Variants in CPA4 observed in about 807,000 individuals in gnomAD.
CPA4 encodes carboxypeptidase A3.
In CPA4, 49 loss-of-function variants were observed where a neutral mutation model predicts 54.7. The observed-to-expected ratio is 0.90, with a 90% confidence interval of 0.71 to 1.14. The LOEUF (loss-of-function observed/expected upper bound fraction) is 1.14. CPA4 is among the 50% of genes most tolerant of loss of function. CPA4 has a pLI of 0.00. For missense variants in CPA4, 487 were observed against 525.1 expected, an observed-to-expected ratio of 0.93 and a Z score of 0.71; for synonymous variants, 215 against 206.8, an observed-to-expected ratio of 1.04 and a Z score of -0.34.
intron 4 of CPA4, among the ~76,000 whole-genome samples, chr7:130,302,415 G>T (rs1793752572): frequency 6.6e-6 from 1 of 151,892 alleles, no homozygotes; most frequent in South Asian, 2.1e-4. Context: ...CTTGAAACCG[G>T]GAGGCGGAGG....
chr7:130,322,696 T>C lies in CPA4; in HGVS notation c.*20T>C. 1 of 1,603,650 alleles carries C rather than the reference T, an allele frequency of 6.2e-7. No individual in the cohort carries two copies. The highest frequency in any genetic ancestry group is 8.5e-7 in the Non-Finnish European group (1 of 1,174,778). On this transcript the variant is annotated 3_prime_UTR_variant, in exon 11 of 11. Coordinates refer to ENST00000222482, the MANE Select transcript of CPA4 (RefSeq NM_016352.4). ...TACTAGGCGATGGCTCTGCTCTGTC[T>C]ACATTTATTTGTACCCACACGTGCA...
At chr7:130,309,869 A>G (rs10253788) in intron 8 of CPA4, among the ~76,000 whole-genome samples, 10,508 of 152,128 alleles carry the variant, frequency 0.069, 792 homozygotes, top group African/African-American at 0.19. Flanking sequence ...GGATTTAAGC[A>G]ATCCTCCCAC....
At chr7:130,306,931 T>C (rs746557329) in intron 7 of CPA4, 34 bp downstream of exon 7, 1 of 1,158,450 alleles carries the variant, frequency 8.6e-7, no homozygotes, top group Non-Finnish European at 1.3e-6. Context: ...GCTTGCAGAC[T>C]GTTGAATTCC....
chr7:130,312,337 A>G (rs1197297873), intron 10 of CPA4, among the ~76,000 whole-genome samples: 1 of 152,116 alleles, frequency 6.6e-6, no homozygotes. Flanking sequence ...CCATCCCTTC[A>G]TTTTCAAGGG....
In CPA4 at chr7:130,322,668, C is replaced by A; in HGVS notation, c.1258C>A (p.Leu420Ile). The change falls in exon 11 of 11, where the codon CTC (leucine) becomes ATC (isoleucine). Residue 420 changes from leucine to isoleucine, a missense_variant. Physicochemically the swap from Leu to Ile is conservative, Grantham distance 5. Coordinates refer to ENST00000222482, the MANE Select transcript of CPA4 (RefSeq NM_016352.4). ...KTIMEHVRDN[L>I]Y The stretch of plus-strand genomic sequence containing the variant: ...CATCATGGAGCATGTGCGGGACAAC[C>A]TCTACTAGGCGATGGCTCTGCTCTG... 1 of 1,613,206 alleles carries A rather than the reference C, an allele frequency of 6.2e-7. No homozygotes were observed. The highest frequency in any genetic ancestry group is 8.5e-7 in the Non-Finnish European group (1 of 1,179,586).
intron 10 of CPA4, among the ~76,000 whole-genome samples, chr7:130,320,988 C>T (rs1319087158): frequency 6.6e-6 from 1 of 152,050 alleles, no homozygotes; most frequent in African/African-American, 2.4e-5. Flanking sequence ...CACTTGAGTC[C>T]AGGAGTTTGA....
intron 1 of CPA4, among the ~76,000 whole-genome samples, chr7:130,298,037 C>T (rs1793677021): frequency 6.6e-6 from 1 of 152,184 alleles, no homozygotes; most frequent in African/African-American, 2.4e-5. Flanking sequence ...CCCCTCTCAC[C>T]CCGTAGGGAG....
chr7:130,309,463 G>A (rs1282031546), intron 8 of CPA4, among the ~76,000 whole-genome samples: 1 of 151,818 alleles, frequency 6.6e-6, no homozygotes, highest in Non-Finnish European at 1.5e-5. Flanking sequence ...GTGTAGATAT[G>A]AACCTTAGCA....
intron 1 of CPA4, among the ~76,000 whole-genome samples, chr7:130,298,271 T>A (rs1793682180): frequency 1.3e-5 from 2 of 152,232 alleles, no homozygotes. Context: ...AAGAAGTGCT[T>A]CTTTATGTCT....
chr7:130,299,127 G>A (rs957174375), intron 2 of CPA4, 143 bp from the exon 3 acceptor site: 1 of 864,160 alleles, frequency 1.2e-6, no homozygotes, highest in African/African-American at 1.7e-5. Context: ...AGACACAATT[G>A]TGAAATGGGC....
chr7:130,310,926 G>A lies in CPA4; in HGVS notation c.933G>A (p.Ser311=), dbSNP rs556749489. Residue 311 remains serine (S), a synonymous_variant, in exon 9 of 11, where the codon TCG becomes TCA. Coordinates refer to ENST00000222482, the MANE Select transcript of CPA4 (RefSeq NM_016352.4). The surrounding 1 kb of genome is among the most constrained non-coding windows in gnomAD (Gnocchi z 4.3). ...GCTTCATCGACCTGCACAGCTACTC[G>A]CAGCTGCTGATGTATCCATATGGGT... is the stretch of plus-strand genomic sequence containing the variant. The part of the protein sequence containing the change: ...FKGFIDLHSY[S]QLLMYPYGYS... 2.5e-5 allele frequency: 41 copies of A among 1,614,114 alleles called. No individual in the cohort carries two copies. The highest frequency in any genetic ancestry group is 3.1e-5 in the Non-Finnish European group (37 of 1,180,016).
intron 10 of CPA4, among the ~76,000 whole-genome samples, chr7:130,316,431 G>T (rs1584754335): frequency 6.6e-6 from 1 of 152,302 alleles, no homozygotes; most frequent in Middle Eastern, 3.4e-3. Flanking sequence ...AAAGGCAAGG[G>T]GGCAGCCTCT....
At chr7:130,299,708 G>A in intron 3 of CPA4, 1 of 302,148 alleles carries the variant, frequency 3.3e-6, no homozygotes, top group Non-Finnish European at 6.4e-6. Flanking sequence ...TTCTTCATCA[G>A]TAAAATGGTG....
intron 8 of CPA4, among the ~76,000 whole-genome samples, chr7:130,308,685 G>A (rs1793865171): frequency 1.3e-5 from 2 of 151,378 alleles, no homozygotes; most frequent in African/African-American, 4.9e-5. Context: ...AGCCTCCTGA[G>A]TAGCTGGGAC....
intron 10 of CPA4, among the ~76,000 whole-genome samples, chr7:130,321,639 G>A (rs1322898262): frequency 6.6e-6 from 1 of 152,146 alleles, no homozygotes; most frequent in Non-Finnish European, 1.5e-5. Context: ...GGCTGGTGAG[G>A]CCTCACAATC....
intron 8 of CPA4, among the ~76,000 whole-genome samples, chr7:130,308,715 G>A (rs538797126): frequency 4.2e-5 from 6 of 144,506 alleles, no homozygotes; most frequent in South Asian, 2.1e-4. Flanking sequence ...ACGCCACCAC[G>A]CCCGGCTATT....
chr7:130,300,214 C>A (rs1025736016), intron 3 of CPA4, among the ~76,000 whole-genome samples: 1 of 152,092 alleles, frequency 6.6e-6, no homozygotes, highest in Non-Finnish European at 1.5e-5. Flanking sequence ...CACTGGATAC[C>A]AGATGCGGGC....
rs1441818167 is a variant in CPA4, at chr7:130,303,861, C to T, written c.385-617C>T. Among the ~76,000 whole-genome samples, 7 of 151,634 alleles carry T rather than the reference C, an allele frequency of 4.6e-5. No homozygotes were observed. The East Asian group carries it at 5.8e-4, about 13-fold the overall frequency. On this transcript the variant is annotated intron_variant, in intron 4 of 10. Transcript: ENST00000222482. ...CTCCTTACGTTGCCCAGGCTGGTCT[C>T]GAACTCCTGGGCTCAAGTGATTCTC...
At chr7:130,317,574 C>T (rs997303230) in intron 10 of CPA4, among the ~76,000 whole-genome samples, 2 of 152,180 alleles carry the variant, frequency 1.3e-5, no homozygotes, top group Non-Finnish European at 2.9e-5. Context: ...GGTGATCCTC[C>T]CACTTCAGCC....
Sources: gnomAD v4.1 joint callset for allele counts (sites outside exome capture counted in the v4.1 genomes callset) on GRCh38, gnomAD v4.1.1 for gene constraint, Gnocchi (gnomAD v3.1) non-coding constraint, MANE v1.5 for transcripts, NCBI Gene and HGNC (gene_info 2026-07-23, HGNC 2026-07-21) for gene names.